The following MAGI2 variants were observed in gnomAD, a reference collection of about 807,000 sequenced individuals.
MAGI2 encodes membrane associated guanylate kinase, WW and PDZ domain containing 2.
In MAGI2, 35 loss-of-function variants were observed where a neutral mutation model predicts 133.3. The ratio of observed to expected loss-of-function variants is 0.26; its 90% CI spans 0.20 to 0.35. The LOEUF is 0.35. Among genes scored for constraint, MAGI2 ranks in the 10% least tolerant of loss-of-function variants. MAGI2 has a pLI of 1.00. For missense variants in MAGI2, 1,636 were observed against 1,863.4 expected, an observed-to-expected ratio of 0.88 and a Z score of 2.25; for synonymous variants, 729 against 710.6, an observed-to-expected ratio of 1.03 and a Z score of -0.41.
rs144494453 is a variant in MAGI2, at chr7:78,917,922, C to G, written c.418+89168G>C. Among the ~76,000 whole-genome samples the G allele has an allele frequency of 5.5e-3, 840 of 152,284 alleles. 1 individual carries two copies. Among genetic ancestry groups the G allele is most frequent in the Non-Finnish European group, 9.1e-3 (616 of 68,018 alleles). On this transcript the variant is annotated intron_variant, in intron 2 of 21. Coordinates refer to ENST00000354212, the MANE Select transcript of MAGI2 (RefSeq NM_012301.4). ...AGGGGGAGAATGGTGCATTGAGCTT[C>G]CATGCCCTCTTAGGGCATGCCACCA...
At chr7:78,683,042 A>C (rs1815865309) in intron 2 of MAGI2, among the ~76,000 whole-genome samples, 1 of 152,202 alleles carries the variant, frequency 6.6e-6, no homozygotes, top group Non-Finnish European at 1.5e-5. Context: ...CCAGAAGTGA[A>C]TTATGGAAGA....
intron 12 of MAGI2, among the ~76,000 whole-genome samples, chr7:78,188,515 T>A (rs1414644166): frequency 1.3e-5 from 2 of 152,226 alleles, no homozygotes; most frequent in Non-Finnish European, 2.9e-5. Flanking sequence ...TTACATCTTT[T>A]TCTATCCTTT....
intron 3 of MAGI2, among the ~76,000 whole-genome samples, chr7:78,577,761 A>G (rs1355288812): frequency 6.6e-6 from 1 of 152,142 alleles, no homozygotes; most frequent in Non-Finnish European, 1.5e-5. Flanking sequence ...AGGCAGGAAC[A>G]GGCCATTCTC....
At chr7:78,370,263 T>C (rs1279807446) in intron 6 of MAGI2, among the ~76,000 whole-genome samples, 1 of 152,090 alleles carries the variant, frequency 6.6e-6, no homozygotes. Flanking sequence ...AATTACCACA[T>C]ACAGTGCATA....
intron 2 of MAGI2, among the ~76,000 whole-genome samples, chr7:78,826,570 G>A (rs1790672218): frequency 6.6e-6 from 1 of 152,030 alleles, no homozygotes; most frequent in African/African-American, 2.4e-5. Context: ...TACGCGTGAT[G>A]GTGTAATGTT....
chr7:78,530,514 C>T (rs140961620), intron 3 of MAGI2, among the ~76,000 whole-genome samples: 6 of 152,222 alleles, frequency 3.9e-5, no homozygotes, highest in East Asian at 1.9e-4. Context: ...AGGACTGAAG[C>T]GCCCTCTTTA....
chr7:78,220,046 T>C (rs1387240799), intron 10 of MAGI2, among the ~76,000 whole-genome samples: 5 of 152,162 alleles, frequency 3.3e-5, no homozygotes, highest in African/African-American at 7.2e-5. Context: ...CTCCTTATTA[T>C]ACAACCTACT....
At chr7:79,106,362 TG>T (rs1384999254) in intron 1 of MAGI2, among the ~76,000 whole-genome samples, 1 of 152,272 alleles carries the variant, frequency 6.6e-6, no homozygotes, top group East Asian at 1.9e-4. Context: ...ATGTTTGTGA[TG>T]GAAAGGTAAC....
intron 9 of MAGI2, among the ~76,000 whole-genome samples, chr7:78,266,296 G>T (rs1793996593): frequency 6.6e-6 from 1 of 152,160 alleles, no homozygotes; most frequent in African/African-American, 2.4e-5. Flanking sequence ...GACCTTCAGG[G>T]TTCAACTGAT....
intron 2 of MAGI2, among the ~76,000 whole-genome samples, chr7:78,694,535 C>T (rs1340815441): frequency 1.3e-5 from 2 of 152,126 alleles, no homozygotes; most frequent in Non-Finnish European, 2.9e-5. Flanking sequence ...TACACAGAGA[C>T]TCTGAGTTCT....
At chr7:79,214,330 G>A (rs561295815) in intron 1 of MAGI2, among the ~76,000 whole-genome samples, 2 of 132,358 alleles carry the variant, frequency 1.5e-5, no homozygotes, top group South Asian at 2.5e-4. Context: ...CAGCATCTAT[G>A]CCCAGGACAT....
intron 7 of MAGI2, among the ~76,000 whole-genome samples, chr7:78,363,511 G>GATAATAATAATAATAATAATA (rs10570471): frequency 6.8e-6 from 1 of 147,794 alleles, no homozygotes; most frequent in African/African-American, 2.5e-5. Flanking sequence ...TAATAATAAT[G>GATAATAATAATAATAATAATA]ATAATAATAA....
intron 10 of MAGI2, among the ~76,000 whole-genome samples, chr7:78,203,315 CAT>C (rs1829440355): frequency 6.6e-6 from 1 of 152,214 alleles, no homozygotes; most frequent in Non-Finnish European, 1.5e-5. Flanking sequence ...CTCATCTCCA[CAT>C]GAGACGTTAT....
chr7:78,091,312 C>G (rs534733431), intron 20 of MAGI2, among the ~76,000 whole-genome samples: 29 of 152,168 alleles, frequency 1.9e-4, no homozygotes, highest in Admixed American at 1.8e-3. Context: ...AAAGGGCTTG[C>G]GGGAGTGGGT....
intron 1 of MAGI2, among the ~76,000 whole-genome samples, chr7:79,055,214 C>G (rs1306964962): frequency 6.6e-6 from 1 of 151,878 alleles, no homozygotes; most frequent in Non-Finnish European, 1.5e-5. Flanking sequence ...ATTATCTTTG[C>G]TAATATAGTC....
intron 1 of MAGI2, among the ~76,000 whole-genome samples, chr7:79,328,278 C>A (rs1839837706): frequency 6.6e-6 from 1 of 152,078 alleles, no homozygotes; most frequent in African/African-American, 2.4e-5. Context: ...TTGCTAAATA[C>A]CTATGTCTTA....
intron 12 of MAGI2, among the ~76,000 whole-genome samples, chr7:78,191,925 T>C (rs1310093626): frequency 6.6e-6 from 1 of 152,214 alleles, no homozygotes; most frequent in East Asian, 1.9e-4. Flanking sequence ...ATTTACATCA[T>C]TTGATAAATT....
intron 1 of MAGI2, among the ~76,000 whole-genome samples, chr7:79,311,071 C>T (rs1838250519): frequency 6.6e-6 from 1 of 151,994 alleles, no homozygotes; most frequent in Admixed American, 6.6e-5. Flanking sequence ...TTCAATTTTC[C>T]TACTTCCATA....
At chr7:79,414,048 G>A (rs1846323758) in intron 1 of MAGI2, 1 of 152,102 alleles carries the variant, frequency 6.6e-6, no homozygotes, top group Non-Finnish European at 1.5e-5. Flanking sequence ...GGACATCAGA[G>A]GAGAGAATGG....
Sources: gnomAD v4.1 joint callset for allele counts (sites outside exome capture counted in the v4.1 genomes callset) on GRCh38, gnomAD v4.1.1 for gene constraint, MANE v1.5 for transcripts, NCBI Gene and HGNC (gene_info 2026-07-23, HGNC 2026-07-21) for gene names.